FAM135B: variants seen among roughly 807,000 people sequenced by gnomAD.
FAM135B encodes protein FAM135B.
A neutral mutation model predicts 127.7 loss-of-function variants in FAM135B; 43 were observed. The observed-to-expected ratio is 0.34, with a 90% CI of 0.26 to 0.43. The LOEUF is 0.43. FAM135B is among the 20% of genes least tolerant of loss of function. FAM135B has a pLI of 1.00. For missense variants in FAM135B, 1,558 were observed against 1,725.6 expected, an observed-to-expected ratio of 0.90 and a Z score of 1.72; for synonymous variants, 670 against 665.1, an observed-to-expected ratio of 1.01 and a Z score of -0.11.
At position 138,229,877 on chromosome 8, in the gene FAM135B, A is replaced by T. The variant is rs146917821; in HGVS notation, c.669+13065T>A. Among the ~76,000 whole-genome samples, 362 of 152,212 alleles carry T rather than the reference A, an allele frequency of 2.4e-3. 2 individuals are homozygous for T. The highest frequency in any genetic ancestry group is 8.6e-3 in the African/African-American group (356 of 41,496). ...CAGCTCTCGTGAGCACTCACTCACT[A>T]TCACAAGAACAGCATGGAGGAAGCC... On this transcript the variant is annotated intron_variant, in intron 7 of 19. Coordinates refer to ENST00000395297, the MANE Select transcript of FAM135B (RefSeq NM_015912.4).
intron 3 of FAM135B, among the ~76,000 whole-genome samples, chr8:138,271,140 A>G (rs945669616): frequency 6.6e-6 from 1 of 152,044 alleles, no homozygotes; most frequent in East Asian, 1.9e-4. Context: ...CATTTCTGCT[A>G]ACAGGGCATT....
At chr8:138,216,532 T>C (rs547197277) in intron 7 of FAM135B, among the ~76,000 whole-genome samples, 1 of 152,156 alleles carries the variant, frequency 6.6e-6, no homozygotes, top group South Asian at 2.1e-4. Flanking sequence ...GTAATGCCTG[T>C]CTGAGCCAGG....
intron 2 of FAM135B, among the ~76,000 whole-genome samples, chr8:138,344,020 C>T (rs1339221533): frequency 6.6e-6 from 1 of 152,124 alleles, no homozygotes; most frequent in Admixed American, 6.5e-5. Flanking sequence ...GGCTGCTGTG[C>T]TGATGAGAAT....
chr8:138,230,528 G>A (rs1819830318), intron 7 of FAM135B, among the ~76,000 whole-genome samples: 1 of 152,140 alleles, frequency 6.6e-6, no homozygotes, highest in African/African-American at 2.4e-5. Context: ...TGCTGGGAAG[G>A]CAAATTGAAA....
intron 2 of FAM135B, among the ~76,000 whole-genome samples, chr8:138,350,252 C>A (rs1166931373): frequency 1.3e-5 from 2 of 152,102 alleles, no homozygotes; most frequent in Non-Finnish European, 2.9e-5. Flanking sequence ...TGTAAACAGA[C>A]AGCAAAACAT....
At chr8:138,159,295 A>G (rs1393592364) in intron 12 of FAM135B, among the ~76,000 whole-genome samples, 2 of 139,038 alleles carry the variant, frequency 1.4e-5, no homozygotes, top group Non-Finnish European at 3.1e-5. Flanking sequence ...AAAAAAAGAC[A>G]CATGCACACA....
intron 19 of FAM135B, among the ~76,000 whole-genome samples, chr8:138,133,794 G>A (rs1355711923): frequency 6.6e-6 from 1 of 152,162 alleles, no homozygotes; most frequent in Non-Finnish European, 1.5e-5. Flanking sequence ...GCAGGGGAGA[G>A]TACTTAGAGG....
chr8:138,218,522 G>A (rs1477149243), intron 7 of FAM135B, among the ~76,000 whole-genome samples: 2 of 152,156 alleles, frequency 1.3e-5, no homozygotes, highest in Non-Finnish European at 2.9e-5. Flanking sequence ...TGGCGTCTCA[G>A]ATCCCCTGTT....
intron 8 of FAM135B, among the ~76,000 whole-genome samples, chr8:138,195,775 T>G (rs1387018107): frequency 6.6e-6 from 1 of 152,192 alleles, no homozygotes; most frequent in Non-Finnish European, 1.5e-5. Flanking sequence ...CTCCACCAGC[T>G]CTGATACTGA....
At chr8:138,204,799 A>T (rs770425050) in intron 7 of FAM135B, among the ~76,000 whole-genome samples, 3 of 152,258 alleles carry the variant, frequency 2.0e-5, no homozygotes, top group Non-Finnish European at 4.4e-5. Context: ...ATAACTTTTC[A>T]ACATGATTCA....
rs554333678 is a variant in FAM135B at position 138,284,362 on chromosome 8, G to A, written c.158-18520C>T. ...TCCTTCTGCTCAGCCCGACTCCTGT[G>A]CAGACTTTCTCCACAGTTTTGTCTG... On this transcript the variant is annotated intron_variant, in intron 3 of 19. Transcript: ENST00000395297. Among the ~76,000 whole-genome samples the A allele has an allele frequency of 7.2e-5, 11 of 152,176 alleles. No individual in the cohort carries two copies. The South Asian group carries it at 1.7e-3, about 23-fold the overall frequency.
intron 19 of FAM135B, among the ~76,000 whole-genome samples, chr8:138,134,086 T>C (rs1031002261): frequency 4.6e-5 from 7 of 152,178 alleles, no homozygotes; most frequent in African/African-American, 1.7e-4. Flanking sequence ...TGTGAGGTTA[T>C]GCCACAGTAA....
intron 2 of FAM135B, among the ~76,000 whole-genome samples, chr8:138,344,619 A>C (rs1173038697): frequency 2.4e-5 from 3 of 125,984 alleles, no homozygotes; most frequent in Non-Finnish European, 4.7e-5. Flanking sequence ...TCTGTCGCCC[A>C]GGCTGGAGTG....
chr8:138,234,240 A>C (rs1263739154), intron 7 of FAM135B, among the ~76,000 whole-genome samples: 1 of 152,230 alleles, frequency 6.6e-6, no homozygotes, highest in Non-Finnish European at 1.5e-5. Context: ...AACATGGAGA[A>C]ATTTGAATCA....
intron 1 of FAM135B, among the ~76,000 whole-genome samples, chr8:138,387,648 A>G (rs1832298916): frequency 6.6e-6 from 1 of 152,134 alleles, no homozygotes; most frequent in African/African-American, 2.4e-5. Context: ...GGTTCTCCAA[A>G]GTCATAGTCC....
At chr8:138,350,302 G>T (rs1009888974) in intron 2 of FAM135B, among the ~76,000 whole-genome samples, 1 of 152,212 alleles carries the variant, frequency 6.6e-6, no homozygotes, top group African/African-American at 2.4e-5. Context: ...TTCCCATGCC[G>T]TTATTCAAAA....
At chr8:138,445,281 G>T (rs992582174) in intron 1 of FAM135B, among the ~76,000 whole-genome samples, 4 of 152,126 alleles carry the variant, frequency 2.6e-5, no homozygotes, top group African/African-American at 9.7e-5. Flanking sequence ...GAAAAAGAGG[G>T]AATCCTCCCT....
intron 9 of FAM135B, among the ~76,000 whole-genome samples, chr8:138,187,391 G>A (rs1011892907): frequency 2.0e-5 from 3 of 152,188 alleles, no homozygotes; most frequent in Non-Finnish European, 2.9e-5. Flanking sequence ...ACCTTTAAAA[G>A]TCTGAAAATG....
At chr8:138,422,787 G>A (rs1482176997) in intron 1 of FAM135B, among the ~76,000 whole-genome samples, 1 of 152,098 alleles carries the variant, frequency 6.6e-6, no homozygotes, top group Non-Finnish European at 1.5e-5. Context: ...AATATAAATT[G>A]TTCTACTGTA....
Sources: allele counts gnomAD v4.1 joint callset (sites outside exome capture counted in the v4.1 genomes callset), GRCh38; gene constraint gnomAD v4.1.1; transcripts MANE v1.5; gene names NCBI Gene and HGNC (gene_info 2026-07-23, HGNC 2026-07-21).